The following CNTNAP5 variants were observed in gnomAD, a reference collection of about 807,000 sequenced individuals.
The protein encoded by CNTNAP5 is contactin associated protein family member 5.
In CNTNAP5, 72 loss-of-function variants were observed where a neutral mutation model predicts 150.2. The ratio of observed to expected loss-of-function variants is 0.48; its 90% CI spans 0.40 to 0.58. The LOEUF is 0.58. Among genes scored for constraint, CNTNAP5 ranks in the 20% least tolerant of loss-of-function variants. The pLI is 0.00. For missense variants in CNTNAP5, 1,636 were observed against 1,626.2 expected (o/e 1.01, Z -0.10); for synonymous variants, 672 against 619.8 (o/e 1.08, Z -1.25).
intron 10 of CNTNAP5, among the ~76,000 whole-genome samples, chr2:124,529,967 T>C (rs1573439268): frequency 6.6e-6 from 1 of 152,262 alleles, no homozygotes; most frequent in East Asian, 1.9e-4. Flanking sequence ...TCTTACATAC[T>C]TAAACGGTAT....
intron 3 of CNTNAP5, among the ~76,000 whole-genome samples, chr2:124,306,627 C>T (rs534132570): frequency 1.9e-4 from 28 of 151,324 alleles, no homozygotes; most frequent in African/African-American, 5.1e-4. Flanking sequence ...ATCACCAGAA[C>T]GAGAATGCTA....
intron 19 of CNTNAP5, among the ~76,000 whole-genome samples, chr2:124,858,361 A>G (rs986329294): frequency 6.6e-6 from 1 of 152,244 alleles, no homozygotes; most frequent in African/African-American, 2.4e-5. Flanking sequence ...GCAAAGTCTC[A>G]GGATACAAAA....
chr2:124,365,897 G>T (rs1205086946), intron 3 of CNTNAP5, among the ~76,000 whole-genome samples: 1 of 152,158 alleles, frequency 6.6e-6, no homozygotes, highest in Admixed American at 6.5e-5. Context: ...TCAATTATGA[G>T]TAAGTACTGG....
intron 9 of CNTNAP5, among the ~76,000 whole-genome samples, chr2:124,524,842 G>A (rs541154798): frequency 4.6e-5 from 7 of 152,200 alleles, no homozygotes; most frequent in African/African-American, 1.4e-4. Flanking sequence ...AATTCAGGTG[G>A]AAAGGCACAA....
At chr2:124,353,615 C>G (rs1335175490) in intron 3 of CNTNAP5, among the ~76,000 whole-genome samples, 2 of 152,154 alleles carry the variant, frequency 1.3e-5, no homozygotes, top group East Asian at 3.9e-4. Flanking sequence ...CGTGCATCTC[C>G]ATGATACAGT....
intron 1 of CNTNAP5, among the ~76,000 whole-genome samples, chr2:124,036,364 TG>T (rs201547454): frequency 0.012 from 1,884 of 152,158 alleles, 41 homozygotes; most frequent in African/African-American, 0.043. Flanking sequence ...AAGTTTTGGA[TG>T]AGCTGTGGGT....
intron 21 of CNTNAP5, among the ~76,000 whole-genome samples, chr2:124,885,941 T>C (rs2104742967): frequency 6.6e-6 from 1 of 152,158 alleles, no homozygotes; most frequent in South Asian, 2.1e-4. Flanking sequence ...TGTATATATG[T>C]ATTTATTTAA....
intron 3 of CNTNAP5, among the ~76,000 whole-genome samples, chr2:124,364,290 C>T (rs1234663973): frequency 1.3e-5 from 2 of 152,162 alleles, no homozygotes; most frequent in Non-Finnish European, 2.9e-5. Context: ...ACATGGCTCA[C>T]TCTTTACTCC....
At chr2:124,374,793 A>AG (rs1234623490) in intron 3 of CNTNAP5, among the ~76,000 whole-genome samples, 2 of 152,018 alleles carry the variant, frequency 1.3e-5, no homozygotes, top group African/African-American at 4.8e-5. Context: ...TTGACAGTGG[A>AG]GCTGGGGCAG....
In CNTNAP5 at chr2:124,597,896, A is replaced by G. The variant is rs1332758761; in HGVS notation, c.1757-11905A>G. Among the ~76,000 whole-genome samples, 7 of 138,172 alleles carry G rather than the reference A, an allele frequency of 5.1e-5. No individual in the cohort carries two copies. The South Asian group carries it at 1.6e-3, about 31-fold the overall frequency. The allele number at this position is 138,172 out of a possible 152,430, so 90.6% of individuals were successfully genotyped here. A position where few individuals can be genotyped will look rare whatever the true frequency, so the allele number is the denominator to read the frequency against. On this transcript the variant is annotated intron_variant, in intron 11 of 23. Coordinates refer to ENST00000682447, the MANE Select transcript of CNTNAP5 (RefSeq NM_001367498.1). Reference sequence around the variant, plus strand: ...CTTCTTGCTTCATTTCATTCATTTCATCTTCCATTGCTGATACCCTTTCTT... The same window carrying G: ...CTTCTTGCTTCATTTCATTCATTTCGTCTTCCATTGCTGATACCCTTTCTT...
chr2:124,802,586 G>T (rs1681992441), intron 19 of CNTNAP5, among the ~76,000 whole-genome samples: 1 of 152,198 alleles, frequency 6.6e-6, no homozygotes, highest in African/African-American at 2.4e-5. Context: ...AGTCTGGACG[G>T]TTGGAGGAGA....
At chr2:124,036,344 A>T (rs2104626599) in intron 1 of CNTNAP5, among the ~76,000 whole-genome samples, 1 of 152,034 alleles carries the variant, frequency 6.6e-6, no homozygotes, top group African/African-American at 2.4e-5. Context: ...GTGAACAGAA[A>T]CTGTTCACTA....
intron 12 of CNTNAP5, among the ~76,000 whole-genome samples, chr2:124,630,885 A>G (rs1677844250): frequency 6.6e-6 from 1 of 152,220 alleles, no homozygotes; most frequent in Non-Finnish European, 1.5e-5. Flanking sequence ...GTCTTGGGAC[A>G]CAAAATAAGT....
At chr2:124,626,227 G>A (rs1220043007) in intron 12 of CNTNAP5, among the ~76,000 whole-genome samples, 3 of 152,046 alleles carry the variant, frequency 2.0e-5, no homozygotes, top group Non-Finnish European at 2.9e-5. Context: ...GGTATCCTGG[G>A]GTGTGTTAGT....
intron 2 of CNTNAP5, among the ~76,000 whole-genome samples, chr2:124,228,915 C>G (rs1686539370): frequency 6.6e-6 from 1 of 152,108 alleles, no homozygotes; most frequent in African/African-American, 2.4e-5. Context: ...CAATAATATC[C>G]TTGTACCTCA....
At chr2:124,291,649 T>A (rs1438646083) in intron 3 of CNTNAP5, among the ~76,000 whole-genome samples, 1 of 152,164 alleles carries the variant, frequency 6.6e-6, no homozygotes, top group African/African-American at 2.4e-5. Flanking sequence ...AAATAAACAC[T>A]GACACACTGC....
chr2:124,622,686 T>C (rs1677643163), intron 12 of CNTNAP5, among the ~76,000 whole-genome samples: 1 of 152,030 alleles, frequency 6.6e-6, no homozygotes, highest in Admixed American at 6.6e-5. Context: ...CGATATCTCA[T>C]TGGAAAACAC....
chr2:124,716,783 C>T (rs1429083982), intron 13 of CNTNAP5, among the ~76,000 whole-genome samples: 1 of 152,114 alleles, frequency 6.6e-6, no homozygotes, highest in East Asian at 1.9e-4. Context: ...ATTTTTCTGG[C>T]ATGGTACCTG....
In CNTNAP5 at chr2:124,215,301, G is replaced by GT. The variant is rs1231678519; in HGVS notation, c.83-6403dup. 3.3e-5 allele frequency among the ~76,000 whole-genome samples: 5 copies of GT among 152,218 alleles called. No homozygotes were observed. In the East Asian group the frequency reaches 7.7e-4, roughly 24 times the overall value. On this transcript the variant is annotated intron_variant, in intron 1 of 23. Coordinates refer to ENST00000682447, the MANE Select transcript of CNTNAP5 (RefSeq NM_001367498.1). ...ACACAATTGAACTTCAGTACCATCT[G>GT]TAACTCTATTGGTATTTTAATAATA...
Sources: gnomAD v4.1 joint callset for allele counts (sites outside exome capture counted in the v4.1 genomes callset) on GRCh38, gnomAD v4.1.1 for gene constraint, MANE v1.5 for transcripts, NCBI Gene and HGNC (gene_info 2026-07-23, HGNC 2026-07-21) for gene names.